The following COL15A1 variants were observed in gnomAD, a reference collection of about 807,000 sequenced individuals.
COL15A1 encodes collagen type XV alpha 1 chain.
In COL15A1, 111 loss-of-function variants were observed where a neutral mutation model predicts 165.9. That is an observed-to-expected ratio of 0.67 (90% CI 0.57 to 0.78). The LOEUF is 0.78. Among genes scored for constraint, COL15A1 ranks in the 30% least tolerant of loss-of-function variants. The pLI is 0.00. For synonymous variants in COL15A1, 659 were observed against 674.8 expected (o/e 0.98, Z 0.36); for missense variants, 1,745 against 1,789.7 (o/e 0.98, Z 0.45).
rs528345727 is a variant in COL15A1, at chr9:98,948,467, G to A, written c.100+4217G>A. Among the ~76,000 whole-genome samples, 25 of 152,064 alleles carry A rather than the reference G, an allele frequency of 1.6e-4. No homozygotes were observed. In the East Asian group the frequency reaches 3.5e-3, roughly 21 times the overall value. ...CAAAAAATTAGCCAGGCATGGTGGC[G>A]GGCGCCTGTAGTCCCAGCTACTTGG... is the stretch of plus-strand genomic sequence containing the variant. On this transcript the variant is annotated intron_variant, in intron 2 of 41. Coordinates refer to ENST00000375001, the MANE Select transcript of COL15A1 (RefSeq NM_001855.5).
At chr9:99,017,786 CAGAT>C (rs1452594012) in intron 11 of COL15A1, among the ~76,000 whole-genome samples, 1 of 152,172 alleles carries the variant, frequency 6.6e-6, no homozygotes, top group African/African-American at 2.4e-5. Flanking sequence ...ACATCGGGCA[CAGAT>C]AGAGCCGGTT....
intron 40 of COL15A1, 22 bp downstream of exon 40, chr9:99,067,089 A>C (rs1365329600): frequency 6.2e-7 from 1 of 1,601,594 alleles, no homozygotes; most frequent in Non-Finnish European, 8.5e-7. Context: ...TATGGTTCCC[A>C]TTGCCTTCTG....
At chr9:99,014,234 T>C (rs1470972853) in intron 9 of COL15A1, among the ~76,000 whole-genome samples, 1 of 152,194 alleles carries the variant, frequency 6.6e-6, no homozygotes, top group Non-Finnish European at 1.5e-5. Flanking sequence ...AGCTACTTAC[T>C]AGAGATAGGT....
At chr9:98,991,012 C>T (rs954939568) in intron 5 of COL15A1, among the ~76,000 whole-genome samples, 2 of 152,118 alleles carry the variant, frequency 1.3e-5, no homozygotes, top group African/African-American at 2.4e-5. Flanking sequence ...GTGAGTGTTA[C>T]AACTCTTAGG....
rs778155382 is a variant in COL15A1, at chr9:99,015,573, G to A, written c.1503+7G>A. 5 of 1,612,744 alleles carry A rather than the reference G, an allele frequency of 3.1e-6. No individual in the cohort carries two copies. The Admixed American group carries it at 5.0e-5, about 16-fold the overall frequency. ...TGAGCGGGCAGTCACTTCTGTAAGT[G>A]TCATCTTGTGTCCTCTCTGGCTCAC... On this transcript the variant is annotated splice_region_variant and intron_variant, in intron 10 of 41. Transcript: ENST00000375001.
At chr9:98,956,400 T>A (rs1564008480) in intron 2 of COL15A1, among the ~76,000 whole-genome samples, 1 of 152,188 alleles carries the variant, frequency 6.6e-6, no homozygotes, top group Non-Finnish European at 1.5e-5. Context: ...ATGTGCCAGG[T>A]GCTGTTTTAA....
At position 99,035,389 on chromosome 9, in the gene COL15A1, C is replaced by G. The variant is rs752415987; in HGVS notation, c.2260C>G (p.Pro754Ala). Reference sequence around the variant, plus strand: ...TGGAAGCACCCAGCTATTGAATGAACCCAAACTCTCCAGACCAACGGCTGC... The same window carrying G: ...TGGAAGCACCCAGCTATTGAATGAAGCCAAACTCTCCAGACCAACGGCTGC... Reference protein sequence around the residue: ...GSGSTQLLNEPKLSRPTAAIG... With the variant: ...GSGSTQLLNEAKLSRPTAAIG... Residue 754 changes from proline (P) to alanine (A), a missense_variant, in exon 19 of 42, where the codon CCC (proline) becomes GCC (alanine). Transcript: ENST00000375001. 2 of 1,614,050 alleles carry G rather than the reference C, an allele frequency of 1.2e-6. No homozygotes were observed. The highest frequency in any genetic ancestry group is 1.3e-5 in the African/African-American group (1 of 74,916).
intron 21 of COL15A1, among the ~76,000 whole-genome samples, chr9:99,038,285 A>G (rs1397880541): frequency 1.3e-5 from 2 of 152,226 alleles, no homozygotes; most frequent in East Asian, 3.8e-4. Flanking sequence ...TCTCCACACA[A>G]TATGGCCGAG....
intron 2 of COL15A1, among the ~76,000 whole-genome samples, chr9:98,981,489 G>C (rs1229744902): frequency 6.6e-6 from 1 of 152,070 alleles, no homozygotes; most frequent in Non-Finnish European, 1.5e-5. Context: ...TAAGATCAGA[G>C]CCACATGTAT....
rs542801667 is a variant in COL15A1 at position 98,951,998 on chromosome 9, T to C, written c.100+7748T>C. ...CTTTGTCTCAGGGCTTCTCAGACTG[T>C]ACAGTGACCACTGATTAGTTGCCTG... On this transcript the variant is annotated intron_variant, in intron 2 of 41. Coordinates refer to ENST00000375001, the MANE Select transcript of COL15A1 (RefSeq NM_001855.5). 7.9e-5 allele frequency among the ~76,000 whole-genome samples: 12 copies of C among 152,332 alleles called. No homozygotes were observed. The South Asian group carries it at 2.3e-3, about 29-fold the overall frequency.
chr9:98,966,786 T>C (rs1452982280), intron 2 of COL15A1, among the ~76,000 whole-genome samples: 1 of 152,206 alleles, frequency 6.6e-6, no homozygotes, highest in Admixed American at 6.5e-5. Context: ...TGTGTGGTTA[T>C]TAATATTATA....
intron 3 of COL15A1, 124 bp from the exon 4 acceptor site, chr9:98,987,170 G>A: frequency 1.1e-6 from 1 of 896,528 alleles, no homozygotes; most frequent in Non-Finnish European, 1.8e-6. Context: ...GAGACTGCAG[G>A]CTGTACATCC....
intron 24 of COL15A1, among the ~76,000 whole-genome samples, chr9:99,042,621 A>G (rs1410323690): frequency 6.6e-6 from 1 of 152,240 alleles, no homozygotes; most frequent in Non-Finnish European, 1.5e-5. Flanking sequence ...GGTACTGAAT[A>G]CACTTGTTGG....
chr9:99,061,397 C>G (rs1825813718), intron 36 of COL15A1, among the ~76,000 whole-genome samples: 1 of 152,360 alleles, frequency 6.6e-6, no homozygotes, highest in African/African-American at 2.4e-5. Context: ...TGCCAAATGG[C>G]TGTCTAATCT....
At chr9:99,062,670 T>C (rs950151816) in intron 38 of COL15A1, among the ~76,000 whole-genome samples, 4 of 152,180 alleles carry the variant, frequency 2.6e-5, no homozygotes, top group African/African-American at 7.2e-5. Flanking sequence ...GCAACTGGCA[T>C]TGTCCATCTT....
chr9:98,992,005 A>T (rs1188940156), intron 5 of COL15A1, among the ~76,000 whole-genome samples: 2 of 152,264 alleles, frequency 1.3e-5, no homozygotes, highest in East Asian at 3.8e-4. Flanking sequence ...CTTTAGCTAG[A>T]CATAAAAGTT....
intron 16 of COL15A1, among the ~76,000 whole-genome samples, chr9:99,028,706 G>A (rs1395176590): frequency 6.6e-6 from 1 of 152,104 alleles, no homozygotes; most frequent in African/African-American, 2.4e-5. Flanking sequence ...GTGGGAGGGA[G>A]TGAGGGATAA....
chr9:99,060,919 G>A (rs1347795974), intron 36 of COL15A1, among the ~76,000 whole-genome samples: 1 of 152,088 alleles, frequency 6.6e-6, no homozygotes, highest in Non-Finnish European at 1.5e-5. Flanking sequence ...AAGCCCAAGA[G>A]CATAAACAAT....
At chr9:98,992,391 C>T (rs974305639) in intron 5 of COL15A1, among the ~76,000 whole-genome samples, 5 of 152,226 alleles carry the variant, frequency 3.3e-5, no homozygotes, top group African/African-American at 1.2e-4. Context: ...ACCGGCTGGC[C>T]GCTTAGAGTG....
Sources: allele counts gnomAD v4.1 joint callset (sites outside exome capture counted in the v4.1 genomes callset), GRCh38; gene constraint gnomAD v4.1.1; transcripts MANE v1.5; gene names NCBI Gene and HGNC (gene_info 2026-07-23, HGNC 2026-07-21).